Variants in L1CAM observed in about 807,000 individuals in gnomAD.
The protein encoded by L1CAM is neural cell adhesion molecule L1.
A neutral mutation model predicts 93.0 loss-of-function variants in L1CAM; 8 were observed. The observed-to-expected ratio is 0.09, with a 90% CI of 0.05 to 0.16. The LOEUF is 0.16. Ranked by LOEUF, L1CAM falls within the 10% of genes least tolerant of loss-of-function variation. The probability of loss-of-function intolerance (pLI) is 1.00; values close to 1 mark genes in which losing one functional copy is unlikely to be tolerated. For synonymous variants in L1CAM, 453 were observed against 453.0 expected, an observed-to-expected ratio of 1.00 and a Z score of 0.00; for missense variants, 777 against 1,073.4, an observed-to-expected ratio of 0.72 and a Z score of 3.86.
intron 1 of L1CAM, chrX:153,880,857 C>T: frequency 7.9e-6 from 2 of 253,455 alleles, no homozygotes; most frequent in Non-Finnish European, 7.8e-6. Flanking sequence ...CTCCCAACCT[C>T]ACCCCTCCCT....
chrX:153,865,335 G>A lies in L1CAM; in HGVS notation c.2713C>T (p.Pro905Ser). Residue 905 changes from proline to serine, a missense_variant, in exon 21 of 29, where the codon CCC becomes TCC. Physicochemically the swap from Pro to Ser is moderately conservative, Grantham distance 74. Coordinates refer to ENST00000370060, the MANE Select transcript of L1CAM (RefSeq NM_001278116.2). ...VQAFNGRGSG[P>S]ASEFTFSTPE... ...GTGCTGAAGGTGAACTCGCTGGCGG[G>A]CCCCGATCCTCGCCCGTTAAAGGCC... 2 of 1,211,076 alleles carry A rather than the reference G, an allele frequency of 1.7e-6. No individual in the cohort carries two copies. The highest frequency in any genetic ancestry group is 5.9e-5 in the East Asian group (2 of 33,828).
rs1557090594 is a variant in L1CAM, at chrX:153,865,439, T to C, written c.2609A>G (p.His870Arg). 1 of 1,210,463 alleles carries C rather than the reference T, an allele frequency of 8.3e-7. No individual in the cohort carries two copies. The part of the protein sequence containing the change: ...KHSKRHIHKD[H>R]VVVPANTTSV... Reference sequence around the variant, plus strand: ...GGTGGTGTTGGCGGGCACCACCACATGGTCTTTGTGGATATGTCTCTTGCT... The same window carrying C: ...GGTGGTGTTGGCGGGCACCACCACACGGTCTTTGTGGATATGTCTCTTGCT... The change falls in exon 21 of 29, where the codon CAT becomes CGT. Residue 870 changes from histidine to arginine, a missense_variant. His to Arg is a conservative substitution (Grantham distance 29). Transcript: ENST00000370060.
In L1CAM at chrX:153,867,867, G is replaced by A; in HGVS notation, c.1872C>T (p.His624=). 1 of 1,210,951 alleles carries A rather than the reference G, an allele frequency of 8.3e-7. No individual in the cohort carries two copies. Among genetic ancestry groups the A allele is most frequent in the Non-Finnish European group, 1.1e-6 (1 of 895,361 alleles). ...PVPRLVLSDL[H]LLTQSQVRVS... ...CGCGCACCTGGCTCTGCGTCAGCAGGTGCAGGTCGGACAGCACCAGCCGTG... is the reference window on the plus strand; with the variant it reads ...CGCGCACCTGGCTCTGCGTCAGCAGATGCAGGTCGGACAGCACCAGCCGTG... The change falls in exon 16 of 29, where the codon CAC becomes CAT. Residue 624 remains histidine (H), a synonymous_variant. Coordinates refer to ENST00000370060, the MANE Select transcript of L1CAM (RefSeq NM_001278116.2).
At chrX:153,883,661 C>T (rs1557096179) in intron 1 of L1CAM, 5 of 308,381 alleles carry the variant, frequency 1.6e-5, no homozygotes, top group Admixed American at 6.8e-5. Context: ...GTCTGAACCA[C>T]GAGGGAGGGA....
rs2064662624 is a variant in L1CAM at position 153,861,755 on chromosome X, G to C, written c.*908C>G. 1 of 109,615 alleles carries C rather than the reference G, an allele frequency of 9.1e-6. No homozygotes were observed. Among genetic ancestry groups the C allele is most frequent in the Non-Finnish European group, 1.9e-5 (1 of 52,636 alleles). 9.0% of individuals were successfully genotyped at this position (109,615 alleles called of 1,213,427 possible). On this transcript the variant is annotated 3_prime_UTR_variant, in exon 29 of 29. Transcript: ENST00000370060. ...ATCCTAGAAACCACCTAGGGACTCA[G>C]ACATCTGCCTACACACTAGTGGCGT...
chrX:153,863,765 C>T (rs901249045), intron 26 of L1CAM, 118 bp downstream of exon 26: 33 of 1,039,283 alleles, frequency 3.2e-5, no homozygotes, highest in African/African-American at 3.7e-5. Flanking sequence ...CCCCACCATG[C>T]GCCTGTCATC....
At chrX:153,883,246 A>G (rs960191336) in intron 1 of L1CAM, among the ~76,000 whole-genome samples, 1 of 110,551 alleles carries the variant, frequency 9.0e-6, no homozygotes, top group Non-Finnish European at 1.9e-5. Flanking sequence ...GGGTAAGCAG[A>G]GAGATGGAGC....
chrX:153,875,993 G>T, intron 1 of L1CAM, 49 bp from the exon 2 acceptor site: 1 of 507,649 alleles, frequency 2.0e-6, no homozygotes, highest in Non-Finnish European at 3.5e-6. Context: ...AGAGACGAGA[G>T]AACGGAAGGA....
Position 153,865,011 on chromosome X carries a change from G to A in L1CAM, c.2873-17C>T, listed in dbSNP as rs782505404. On this transcript the variant is annotated splice_polypyrimidine_tract_variant and intron_variant, in intron 22 of 28. Coordinates refer to ENST00000370060, the MANE Select transcript of L1CAM (RefSeq NM_001278116.2). ...CCTCATCCACTGTGGGGACAGACAGGGGTTGGCTGTGGCTGCAGCTCTGCC... is the reference window on the plus strand; with the variant it reads ...CCTCATCCACTGTGGGGACAGACAGAGGTTGGCTGTGGCTGCAGCTCTGCC... The A allele has an allele frequency of 7.4e-6, 9 of 1,211,009 alleles. No individual in the cohort carries two copies. The East Asian group carries it at 2.4e-4, about 32-fold the overall frequency.
chrX:153,867,940 G>A (rs781901980), intron 15 of L1CAM, 30 bp from the exon 16 acceptor site: 21 of 1,210,194 alleles, frequency 1.7e-5, no homozygotes, highest in Non-Finnish European at 2.3e-5. Context: ...GTGCTTGAAA[G>A]GGCCCAGGGA....
Position 153,871,177 on chromosome X carries a change from C to T in L1CAM, c.403G>A (p.Ala135Thr). The T allele has an allele frequency of 8.3e-7, 1 of 1,207,107 alleles. No homozygotes were observed. The highest frequency in any genetic ancestry group is 1.1e-6 in the Non-Finnish European group (1 of 893,304). ...ACTGTCTCCTTTGGCCACTTGGGGGCACCTAGAAGGGACAGACGGGCTGAC... is the reference window on the plus strand; with the variant it reads ...ACTGTCTCCTTTGGCCACTTGGGGGTACCTAGAAGGGACAGACGGGCTGAC... ...SHEIRLMAEG[A>T]PKWPKETVKP... Residue 135 changes from alanine to threonine, a missense_variant and splice_region_variant, in exon 6 of 29, where the codon GCC becomes ACC. By Grantham distance (58) the Ala-to-Thr change is moderately conservative. Coordinates refer to ENST00000370060, the MANE Select transcript of L1CAM (RefSeq NM_001278116.2).
intron 1 of L1CAM, among the ~76,000 whole-genome samples, chrX:153,877,591 C>T (rs2064823207): frequency 8.9e-6 from 1 of 111,835 alleles, no homozygotes; most frequent in Admixed American, 9.5e-5. Context: ...CGCACCATTG[C>T]ACTCCAGCCT....
chrX:153,866,561 C>T (rs1313021358), intron 19 of L1CAM, 88 bp downstream of exon 19: 12 of 637,602 alleles, frequency 1.9e-5, no homozygotes, highest in East Asian at 3.3e-5. Context: ...TTAGGAAAGG[C>T]GCACACCAAT....
chrX:153,883,293 G>T (rs782680433), intron 1 of L1CAM, among the ~76,000 whole-genome samples: 1 of 111,094 alleles, frequency 9.0e-6, no homozygotes, highest in South Asian at 3.8e-4. Context: ...GGAAGGGAGG[G>T]CCAGGCAGGC....
chrX:153,866,181 C>T (rs1179918410), intron 19 of L1CAM, among the ~76,000 whole-genome samples: 1 of 109,182 alleles, frequency 9.2e-6, no homozygotes, highest in East Asian at 2.9e-4. Context: ...GGTGTGGTGG[C>T]GCGTGCCTGT....
intron 3 of L1CAM, 81 bp downstream of exon 3, chrX:153,873,147 C>G (rs1046913890): frequency 5.1e-6 from 5 of 982,773 alleles, no homozygotes; most frequent in Non-Finnish European, 7.3e-6. Context: ...CTCAGGAGGG[C>G]GGGGGTGCAG....
At chrX:153,884,381 A>G (rs2064866149) in intron 1 of L1CAM, 1 of 522,747 alleles carries the variant, frequency 1.9e-6, no homozygotes, top group Admixed American at 4.6e-5. Context: ...CTTGGGGAGG[A>G]GCCTTTTAGG....
chrX:153,872,771 C>G lies in L1CAM; in HGVS notation c.92-74G>C. The G allele has an allele frequency of 1.5e-5, 13 of 880,946 alleles. No homozygotes were observed. In the South Asian group the frequency reaches 2.6e-4, roughly 18 times the overall value. 72.6% of individuals were successfully genotyped at this position (880,946 alleles called of 1,213,427 possible). ...GTCATAGCCTCAGCACCTGTCCCAT[C>G]GTGAGGGAAGCAGGGTCCAGAGCCC... On this transcript the variant is annotated intron_variant, in intron 3 of 28. Transcript: ENST00000370060.
intron 26 of L1CAM, 129 bp from the exon 27 acceptor site, chrX:153,863,678 C>T: frequency 1.2e-6 from 1 of 823,475 alleles, no homozygotes; most frequent in Non-Finnish European, 1.8e-6. Flanking sequence ...TTGAAAGAAA[C>T]CGCTCACCCC....
Sources: gnomAD v4.1 joint callset for allele counts (sites outside exome capture counted in the v4.1 genomes callset) on GRCh38, gnomAD v4.1.1 for gene constraint, MANE v1.5 for transcripts, NCBI Gene and HGNC (gene_info 2026-07-23, HGNC 2026-07-21) for gene names.